PIK3C2G: variants seen among roughly 807,000 people sequenced by gnomAD.
The protein encoded by PIK3C2G is phosphatidylinositol 3-kinase C2 domain-containing subunit gamma.
In PIK3C2G, 168 loss-of-function variants were observed where a neutral mutation model predicts 181.1. The ratio of observed to expected loss-of-function variants is 0.93; its 90% confidence interval spans 0.82 to 1.05. PIK3C2G has a LOEUF of 1.05. Ranked by LOEUF, PIK3C2G falls within the 50% of genes least tolerant of loss-of-function variation. The probability of loss-of-function intolerance (pLI) is 0.00; values close to 1 mark genes in which losing one functional copy is unlikely to be tolerated. For missense variants in PIK3C2G, 1,869 were observed against 1,732.8 expected, an observed-to-expected ratio of 1.08 and a Z score of -1.40; for synonymous variants, 573 against 592.2, an observed-to-expected ratio of 0.97 and a Z score of 0.47.
chr12:18,629,020 C>G (rs913200892), intron 31 of PIK3C2G, among the ~76,000 whole-genome samples: 2 of 152,118 alleles, frequency 1.3e-5, no homozygotes, highest in Non-Finnish European at 2.9e-5. Context: ...ATTGTGGTAA[C>G]AAGAGCATTT....
intron 18 of PIK3C2G, among the ~76,000 whole-genome samples, chr12:18,435,351 G>A (rs1946391572): frequency 6.6e-6 from 1 of 151,944 alleles, no homozygotes; most frequent in Admixed American, 6.6e-5. Context: ...ACCGCTTCCA[G>A]GCTGTTTTCC....
chr12:18,636,012 C>G (rs1949586045), intron 31 of PIK3C2G, among the ~76,000 whole-genome samples: 1 of 152,184 alleles, frequency 6.6e-6, no homozygotes, highest in Non-Finnish European at 1.5e-5. Context: ...GAAGTTTAGT[C>G]AGCTTTATTT....
At chr12:18,609,786 A>G (rs985468997) in intron 31 of PIK3C2G, among the ~76,000 whole-genome samples, 157 bp downstream of exon 31, 14 of 152,152 alleles carry the variant, frequency 9.2e-5, no homozygotes, top group African/African-American at 3.4e-4. Flanking sequence ...TTGCCTCGGG[A>G]TGATTGTGAT....
Position 18,586,989 on chromosome 12 carries a change from G to A in PIK3C2G, c.4012-7505G>A, listed in dbSNP as rs538044563. ...CTATCCCAATAGATGCAGAAAAGGC[G>A]TTTGATAAAATTCAACATCCCTTCA... On this transcript the variant is annotated intron_variant, in intron 29 of 32. Transcript: ENST00000538779. Among the ~76,000 whole-genome samples the A allele has an allele frequency of 7.0e-4, 107 of 151,896 alleles. No homozygotes were observed. In the Middle Eastern group the frequency reaches 0.014, roughly 19 times the overall value.
At chr12:18,701,373 G>T in the PIK3C2G span, 1 of 1,488,532 alleles carries the variant, frequency 6.7e-7, no homozygotes, top group South Asian at 1.3e-5. Flanking sequence ...AAAGTAAATT[G>T]TAAATGATAG....
chr12:18,381,592 G>A (rs946655475), intron 13 of PIK3C2G, among the ~76,000 whole-genome samples, 174 bp from the exon 14 acceptor site: 1 of 152,180 alleles, frequency 6.6e-6, no homozygotes, highest in Non-Finnish European at 1.5e-5. Context: ...TATTAGAAAC[G>A]AACTGTTAAT....
the PIK3C2G span, among the ~76,000 whole-genome samples, chr12:18,674,799 C>T: frequency 6.6e-6 from 1 of 152,138 alleles, no homozygotes; most frequent in South Asian, 2.1e-4. Context: ...TATGGTATGA[C>T]TTCCATGCTC....
the PIK3C2G span, chr12:18,715,772 G>A: frequency 6.6e-6 from 1 of 152,296 alleles, no homozygotes; most frequent in South Asian, 2.1e-4. Context: ...AACTAGCTGG[G>A]ACTACAGTCA....
At chr12:18,653,101 GA>G (rs1173703220), downstream of PIK3C2G, among the ~76,000 whole-genome samples, 1 of 151,952 alleles carries the variant, frequency 6.6e-6, no homozygotes, top group African/African-American at 2.4e-5. Context: ...GCACAGGCTG[GA>G]AAAAAATAAA....
intron 16 of PIK3C2G, among the ~76,000 whole-genome samples, chr12:18,403,301 C>A (rs1337499684): frequency 6.6e-6 from 1 of 152,134 alleles, no homozygotes; most frequent in Non-Finnish European, 1.5e-5. Flanking sequence ...TATTTACACA[C>A]TGGAAAGTTT....
chr12:18,532,883 GT>G (rs139779917), intron 24 of PIK3C2G, among the ~76,000 whole-genome samples: 53,267 of 124,854 alleles, frequency 0.43, 10,554 homozygotes, highest in East Asian at 0.7. Flanking sequence ...AAAGTTTGCT[GT>G]TTTTTTTTTT....
chr12:18,546,041 A>G (rs1269735519), intron 25 of PIK3C2G, among the ~76,000 whole-genome samples: 2 of 151,946 alleles, frequency 1.3e-5, no homozygotes, highest in East Asian at 3.9e-4. Flanking sequence ...TATCATGCTT[A>G]TTTCACTGGT....
chr12:18,370,940 T>A (rs917471214), intron 12 of PIK3C2G, among the ~76,000 whole-genome samples: 1 of 152,172 alleles, frequency 6.6e-6, no homozygotes, highest in Admixed American at 6.5e-5. Flanking sequence ...TTGTAACTTT[T>A]AAAAATATAC....
chr12:18,253,759 C>T (rs1305474516), intron 1 of PIK3C2G, among the ~76,000 whole-genome samples: 1 of 152,052 alleles, frequency 6.6e-6, no homozygotes, highest in African/African-American at 2.4e-5. Context: ...ATCACTATCT[C>T]TTATGTTCTA....
chr12:18,284,337 G>T (rs974944223), intron 2 of PIK3C2G, among the ~76,000 whole-genome samples: 1 of 151,968 alleles, frequency 6.6e-6, no homozygotes, highest in Non-Finnish European at 1.5e-5. Flanking sequence ...AACCAAAATA[G>T]ATGTGGCCTA....
intron 18 of PIK3C2G, among the ~76,000 whole-genome samples, chr12:18,430,182 T>C (rs1450749851): frequency 2.0e-5 from 3 of 152,202 alleles, no homozygotes; most frequent in South Asian, 2.1e-4. Flanking sequence ...AAAATTTAAA[T>C]ATGTGTTTTT....
chr12:18,683,390 G>T, the PIK3C2G span: 1 of 1,536,078 alleles, frequency 6.5e-7, no homozygotes, highest in Non-Finnish European at 9.0e-7. Context: ...CAATAGCCTT[G>T]CTGAGAAACA....
the PIK3C2G span, among the ~76,000 whole-genome samples, chr12:18,714,202 G>A: frequency 6.6e-5 from 10 of 152,234 alleles, no homozygotes; most frequent in African/African-American, 1.4e-4. Context: ...TAGTTATAGC[G>A]TTAAGATAAT....
At chr12:18,529,476 C>T (rs897727767) in intron 24 of PIK3C2G, among the ~76,000 whole-genome samples, 2 of 152,074 alleles carry the variant, frequency 1.3e-5, no homozygotes, top group African/African-American at 4.8e-5. Context: ...TGAAGACCAC[C>T]CTGAACTGTT....
Sources: gnomAD v4.1 joint callset for allele counts (sites outside exome capture counted in the v4.1 genomes callset) on GRCh38, gnomAD v4.1.1 for gene constraint, MANE v1.5 for transcripts, NCBI Gene and HGNC (gene_info 2026-07-23, HGNC 2026-07-21) for gene names.